THAP4: variants seen among roughly 807,000 people sequenced by gnomAD.
THAP4 encodes THAP domain containing 4, also known as peroxynitrite isomerase THAP4.
THAP4 carries 18 observed loss-of-function variants against 48.1 expected under a neutral mutation model. The observed-to-expected ratio is 0.37, with a 90% confidence interval of 0.26 to 0.56. The LOEUF is 0.56. Among genes scored for constraint, THAP4 ranks in the 20% least tolerant of loss-of-function variants. THAP4 has a pLI of 0.78. For missense variants in THAP4, 656 were observed against 774.9 expected (o/e 0.85, Z 1.82); for synonymous variants, 345 against 324.9 (o/e 1.06, Z -0.66).
chr2:241,635,589 G>A (rs2067626452), intron 1 of THAP4, among the ~76,000 whole-genome samples: 1 of 152,032 alleles, frequency 6.6e-6, no homozygotes, highest in African/African-American at 2.4e-5. Context: ...CCAATATGGT[G>A]AAACCCTGTC....
chr2:241,626,429 GAAACTACGTCTCA>G (rs2067496361), intron 2 of THAP4, among the ~76,000 whole-genome samples: 1 of 151,282 alleles, frequency 6.6e-6, no homozygotes. Context: ...CAACAAGAGC[GAAACTACGTCTCA>G]AAACAAAAAC....
rs868207161 is a variant in THAP4, at chr2:241,584,548, A to G, written c.*58T>C. 4.6e-5 allele frequency: 74 copies of G among 1,604,144 alleles called. No homozygotes were observed. The Middle Eastern group carries it at 6.8e-4, about 15-fold the overall frequency. ...CTGCCGCAGGGACTGTCTGTTGAGG[A>G]GCCGAACCGTTGAGGCACAGTAGCC... On this transcript the variant is annotated 3_prime_UTR_variant, in exon 6 of 6. Transcript: ENST00000407315.
Position 241,610,032 on chromosome 2 carries a change from A to AC in THAP4, c.1241-3560dup, listed in dbSNP as rs1162707543. Among the ~76,000 whole-genome samples, 1 of 151,100 alleles carries AC rather than the reference A, an allele frequency of 6.6e-6. No individual in the cohort carries two copies. On this transcript the variant is annotated intron_variant, in intron 2 of 5. Transcript: ENST00000407315. This position sits in a 1 kb window ranked among gnomAD's most constrained non-coding sequence, Gnocchi z 4.2. ...CTGCTGCACCGGGGCCGCGATCTCC[A>AC]CCCCTCACGCCCGAGTCCCCGGCAC...
At chr2:241,627,883 A>G (rs1575038258) in intron 2 of THAP4, among the ~76,000 whole-genome samples, 1 of 151,992 alleles carries the variant, frequency 6.6e-6, no homozygotes. Flanking sequence ...TGGTGCCTGC[A>G]CCTGTCCCTT....
intron 2 of THAP4, among the ~76,000 whole-genome samples, chr2:241,622,691 C>T (rs1038583542): frequency 2.6e-5 from 4 of 152,122 alleles, no homozygotes; most frequent in South Asian, 2.1e-4. Flanking sequence ...CTTCAACCTC[C>T]GGGGCTCAAG....
intron 2 of THAP4, among the ~76,000 whole-genome samples, chr2:241,608,218 A>C (rs560764020): frequency 3.3e-5 from 5 of 152,166 alleles, no homozygotes; most frequent in African/African-American, 1.2e-4. Context: ...GGCCTGGCCC[A>C]GTGGCCGAGC....
intron 2 of THAP4, among the ~76,000 whole-genome samples, chr2:241,626,064 AT>A (rs1185265549): frequency 6.6e-6 from 1 of 152,218 alleles, no homozygotes; most frequent in Non-Finnish European, 1.5e-5. Context: ...GTGCAAAAAA[AT>A]CATCTGACAC....
In THAP4 at chr2:241,593,289, G is replaced by A. The variant is rs142310762; in HGVS notation, c.1615-8564C>T. Among the ~76,000 whole-genome samples, 366 of 152,164 alleles carry A rather than the reference G, an allele frequency of 2.4e-3. 7 individuals carry two copies. Among genetic ancestry groups the A allele is most frequent in the Admixed American group, 0.021 (325 of 15,284 alleles). On this transcript the variant is annotated intron_variant, in intron 5 of 5. Coordinates refer to ENST00000407315, the MANE Select transcript of THAP4 (RefSeq NM_015963.6). Reference sequence around the variant, plus strand: ...TAAAAAGTAAAAAATTAAAAAAAACGGTAAAATGTAGATGAAAATCTTGCT... The same window carrying A: ...TAAAAAGTAAAAAATTAAAAAAAACAGTAAAATGTAGATGAAAATCTTGCT...
chr2:241,615,948 C>T (rs780451012), intron 2 of THAP4, among the ~76,000 whole-genome samples: 5 of 152,174 alleles, frequency 3.3e-5, no homozygotes, highest in Admixed American at 1.3e-4. Flanking sequence ...AGGCCCAGCC[C>T]GGCTGGCCTG....
chr2:241,635,838 T>G (rs1449077148), intron 1 of THAP4, among the ~76,000 whole-genome samples: 4 of 152,166 alleles, frequency 2.6e-5, no homozygotes, highest in Non-Finnish European at 4.4e-5. Context: ...TGGTCAGTTC[T>G]AACTGCTATT....
rs1041376271 is a variant in THAP4 at position 241,601,885 on chromosome 2, G to A, written c.1614+11C>T. On this transcript the variant is annotated intron_variant, in intron 5 of 5. Transcript: ENST00000407315. This position sits in a 1 kb window ranked among gnomAD's most constrained non-coding sequence, Gnocchi z 4.0. Reference sequence around the variant, plus strand: ...AAGACAGGAGCGTGCTGGGAGCAGGGCTGGGCTCACCTGCTCTACGTGGGG... The same window carrying A: ...AAGACAGGAGCGTGCTGGGAGCAGGACTGGGCTCACCTGCTCTACGTGGGG... 6.2e-7 allele frequency: 1 copy of A among 1,613,708 alleles called. No homozygotes were observed. The highest frequency in any genetic ancestry group is 8.5e-7 in the Non-Finnish European group (1 of 1,180,002).
At chr2:241,621,321 C>G (rs568030681) in intron 2 of THAP4, among the ~76,000 whole-genome samples, 40 of 152,194 alleles carry the variant, frequency 2.6e-4, no homozygotes, top group African/African-American at 9.4e-4. Context: ...GCACTCCAGC[C>G]TGGGCAACAG....
intron 3 of THAP4, among the ~76,000 whole-genome samples, chr2:241,604,549 C>A (rs2067155644): frequency 6.6e-6 from 1 of 152,100 alleles, no homozygotes; most frequent in Non-Finnish European, 1.5e-5. Context: ...CTGTGCCCAG[C>A]CACACACCCG....
chr2:241,624,225 C>A (rs980488131), intron 2 of THAP4, among the ~76,000 whole-genome samples: 3 of 152,246 alleles, frequency 2.0e-5, no homozygotes, highest in Non-Finnish European at 2.9e-5. Flanking sequence ...TGGTGGCTCA[C>A]GCCTATAATC....
rs1429606219 is a variant in THAP4 at position 241,629,448 on chromosome 2, G to A, written c.1240+3469C>T. 2.6e-5 allele frequency among the ~76,000 whole-genome samples: 4 copies of A among 151,126 alleles called. No homozygotes were observed. The East Asian group carries it at 7.8e-4, about 29-fold the overall frequency. Reference sequence around the variant, plus strand: ...ATAGGACCACCACACTCCAGCCTGGGTGACAGAGCAAAGCCCTGTCTCTTA... The same window carrying A: ...ATAGGACCACCACACTCCAGCCTGGATGACAGAGCAAAGCCCTGTCTCTTA... On this transcript the variant is annotated intron_variant, in intron 2 of 5. Coordinates refer to ENST00000407315, the MANE Select transcript of THAP4 (RefSeq NM_015963.6).
chr2:241,587,845 G>T (rs2066911174), intron 5 of THAP4, among the ~76,000 whole-genome samples: 1 of 152,042 alleles, frequency 6.6e-6, no homozygotes, highest in African/African-American at 2.4e-5. Context: ...AACTGGCGAG[G>T]TGGGGGTTGC....
At chr2:241,607,598 C>A (rs183106875) in intron 2 of THAP4, among the ~76,000 whole-genome samples, 1 of 151,026 alleles carries the variant, frequency 6.6e-6, no homozygotes, top group Non-Finnish European at 1.5e-5. Context: ...GCTCTGTGGC[C>A]GCACAAGCCT....
rs79735312 is a variant in THAP4, at chr2:241,621,618, GA to G, written c.1240+11298del. On this transcript the variant is annotated intron_variant, in intron 2 of 5. Transcript: ENST00000407315. ...ACTGAAATGCAAAGAGAAAAAAACG[GA>G]AAAAAAAAATCAGAATATTGGAGAA... Among the ~76,000 whole-genome samples the G allele has an allele frequency of 7.2e-3, 1,079 of 149,238 alleles. 3 individuals are homozygous for G. The highest frequency in any genetic ancestry group is 0.014 in the Middle Eastern group (4 of 294).
intron 2 of THAP4, among the ~76,000 whole-genome samples, chr2:241,623,940 C>T (rs1477157696): frequency 3.3e-5 from 5 of 152,192 alleles, no homozygotes; most frequent in Admixed American, 2.6e-4. Flanking sequence ...GTGTCCTGCA[C>T]GTCAATTCAG....
Sources: gnomAD v4.1 joint callset for allele counts (sites outside exome capture counted in the v4.1 genomes callset) on GRCh38, gnomAD v4.1.1 for gene constraint, Gnocchi (gnomAD v3.1) non-coding constraint, MANE v1.5 for transcripts, NCBI Gene and HGNC (gene_info 2026-07-23, HGNC 2026-07-21) for gene names.